The following COX7B2 variants were observed in gnomAD, a reference collection of about 807,000 sequenced individuals.
COX7B2 encodes cytochrome c oxidase subunit 7B2, mitochondrial.
For missense variants in COX7B2, 109 were observed against 95.9 expected (o/e 1.14, Z -0.57); for synonymous variants, 37 against 32.1 (o/e 1.15, Z -0.51).
intron 2 of COX7B2, among the ~76,000 whole-genome samples, chr4:46,752,023 C>G (rs1715416159): frequency 1.3e-5 from 2 of 152,236 alleles, no homozygotes; most frequent in South Asian, 4.1e-4. Context: ...TGGCTATTTT[C>G]ATGATATTGA....
At chr4:46,839,295 T>A (rs1715762942) in intron 2 of COX7B2, among the ~76,000 whole-genome samples, 1 of 152,008 alleles carries the variant, frequency 6.6e-6, no homozygotes, top group South Asian at 2.1e-4. Context: ...AGCTTCAGTT[T>A]CCTGTTTACT....
intron 2 of COX7B2, among the ~76,000 whole-genome samples, chr4:46,784,228 G>C (rs1717630765): frequency 6.6e-6 from 1 of 151,968 alleles, no homozygotes; most frequent in Non-Finnish European, 1.5e-5. Flanking sequence ...ACAAAATCAG[G>C]CTGTGCATTA....
intron 2 of COX7B2, among the ~76,000 whole-genome samples, chr4:46,832,953 T>G (rs1715255791): frequency 1.3e-5 from 2 of 152,082 alleles, no homozygotes; most frequent in Non-Finnish European, 2.9e-5. Flanking sequence ...TTGCCCAGGC[T>G]GGAGTGCAAA....
intron 2 of COX7B2, among the ~76,000 whole-genome samples, chr4:46,804,430 A>C (rs2109638325): frequency 6.6e-6 from 1 of 152,130 alleles, no homozygotes; most frequent in African/African-American, 2.4e-5. Flanking sequence ...TTTTAGAGAG[A>C]GCTGATTGGT....
chr4:46,820,696 C>T (rs938664520), intron 2 of COX7B2, among the ~76,000 whole-genome samples: 7 of 151,770 alleles, frequency 4.6e-5, no homozygotes, highest in Non-Finnish European at 7.4e-5. Flanking sequence ...TAGCACATGC[C>T]TGTAACCTCA....
chr4:46,786,845 G>T (rs1394403246), intron 2 of COX7B2, among the ~76,000 whole-genome samples: 1 of 152,184 alleles, frequency 6.6e-6, no homozygotes, highest in African/African-American at 2.4e-5. Context: ...TAAAGAGGTA[G>T]CCAGACCTAA....
At chr4:46,738,847 G>A (rs190886747) in intron 2 of COX7B2, among the ~76,000 whole-genome samples, 2 of 152,150 alleles carry the variant, frequency 1.3e-5, no homozygotes, top group Admixed American at 6.6e-5. Context: ...TCATGCCCAT[G>A]GCAGTAAAAG....
At chr4:46,797,540 G>C (rs370979142) in intron 2 of COX7B2, among the ~76,000 whole-genome samples, 6 of 152,178 alleles carry the variant, frequency 3.9e-5, no homozygotes, top group African/African-American at 1.4e-4. Context: ...CTATTATAGT[G>C]GGAGAAGCCA....
At chr4:46,836,187 T>C (rs1276273940) in intron 2 of COX7B2, among the ~76,000 whole-genome samples, 2 of 152,132 alleles carry the variant, frequency 1.3e-5, no homozygotes, top group Non-Finnish European at 2.9e-5. Flanking sequence ...AAAATTTCTT[T>C]CTTCAATAAT....
At chr4:46,822,336 A>G (rs1714357563) in intron 2 of COX7B2, among the ~76,000 whole-genome samples, 1 of 152,218 alleles carries the variant, frequency 6.6e-6, no homozygotes, top group South Asian at 2.1e-4. Context: ...TATAGCCGTA[A>G]GACTCCAGAA....
intron 2 of COX7B2, among the ~76,000 whole-genome samples, chr4:46,801,068 T>A (rs530995497): frequency 6.6e-6 from 1 of 152,214 alleles, no homozygotes; most frequent in South Asian, 2.1e-4. Flanking sequence ...GAATGACTAT[T>A]ATTAAAAAGT....
At chr4:46,771,301 G>A (rs1453699647) in intron 2 of COX7B2, among the ~76,000 whole-genome samples, 1 of 152,090 alleles carries the variant, frequency 6.6e-6, no homozygotes, top group Non-Finnish European at 1.5e-5. Flanking sequence ...TTATCAAAAG[G>A]ACAAGAGATA....
chr4:46,740,810 A>C (rs1351844425), intron 2 of COX7B2, among the ~76,000 whole-genome samples: 1 of 152,112 alleles, frequency 6.6e-6, no homozygotes, highest in Admixed American at 6.6e-5. Context: ...AGTTACTCTA[A>C]CTAAATTGAG....
intron 1 of COX7B2, among the ~76,000 whole-genome samples, chr4:46,855,001 A>T (rs1421463964): frequency 6.6e-6 from 1 of 152,112 alleles, no homozygotes; most frequent in East Asian, 1.9e-4. Context: ...GTACTTTGTC[A>T]TAGAATTTTA....
intron 1 of COX7B2, among the ~76,000 whole-genome samples, chr4:46,890,873 G>C (rs80117087): frequency 2.0e-5 from 3 of 152,118 alleles, no homozygotes; most frequent in Admixed American, 6.5e-5. Context: ...TTTGCACAGA[G>C]GATAATAGCA....
At chr4:46,822,266 A>G (rs1359226325) in intron 2 of COX7B2, among the ~76,000 whole-genome samples, 1 of 152,192 alleles carries the variant, frequency 6.6e-6, no homozygotes, top group Non-Finnish European at 1.5e-5. Context: ...AGAGGACCAC[A>G]AACATGAACT....
At chr4:46,907,550 A>T (rs567660355) in intron 1 of COX7B2, among the ~76,000 whole-genome samples, 1 of 152,120 alleles carries the variant, frequency 6.6e-6, no homozygotes, top group Admixed American at 6.5e-5. Context: ...ATGAAAATCT[A>T]TATGGTCTTT....
chr4:46,798,009 A>T (rs772340166), intron 2 of COX7B2, among the ~76,000 whole-genome samples: 10 of 152,328 alleles, frequency 6.6e-5, no homozygotes, highest in Middle Eastern at 3.4e-3. Context: ...AGGGATCCTG[A>T]TCACCTATCC....
intron 2 of COX7B2, among the ~76,000 whole-genome samples, chr4:46,783,276 G>T (rs188175185): frequency 6.6e-6 from 1 of 152,292 alleles, no homozygotes; most frequent in East Asian, 1.9e-4. Flanking sequence ...AAATCCAAAA[G>T]AAGTACTTTA....
Sources: gnomAD v4.1 joint callset for allele counts (sites outside exome capture counted in the v4.1 genomes callset) on GRCh38, gnomAD v4.1.1 for gene constraint, MANE v1.5 for transcripts, NCBI Gene and HGNC (gene_info 2026-07-23, HGNC 2026-07-21) for gene names.